Variants in TMEM132D observed in about 807,000 individuals in gnomAD.
TMEM132D encodes mature OL transmembrane protein.
In TMEM132D, 21 loss-of-function variants were observed where a neutral mutation model predicts 62.3. That is an observed-to-expected ratio of 0.34 (90% CI 0.24 to 0.49). The LOEUF is 0.49. TMEM132D is among the 20% of genes least tolerant of loss of function. The probability of loss-of-function intolerance (pLI) is 0.99; values close to 1 mark genes in which losing one functional copy is unlikely to be tolerated. For missense variants in TMEM132D, 1,346 were observed against 1,402.8 expected, an observed-to-expected ratio of 0.96 and a Z score of 0.65; for synonymous variants, 621 against 575.6, an observed-to-expected ratio of 1.08 and a Z score of -1.13.
chr12:129,716,681 A>C (rs1868587144), intron 1 of TMEM132D, among the ~76,000 whole-genome samples: 1 of 152,168 alleles, frequency 6.6e-6, no homozygotes, highest in Non-Finnish European at 1.5e-5. Context: ...AGTCAGGAAA[A>C]TAAAACAAGA....
At position 129,218,865 on chromosome 12, in the gene TMEM132D, CA is replaced by C. The variant is rs369160962; in HGVS notation, c.1300-9203del. ...AGGCGTAAGCAGCAGGAGACAGTGA[CA>C]GGGGAAGCCAACACAATGGTGTGTT... On this transcript the variant is annotated intron_variant, in intron 4 of 8. Transcript: ENST00000422113. Among the ~76,000 whole-genome samples the C allele has an allele frequency of 7.9e-5, 12 of 152,216 alleles. No individual in the cohort carries two copies. In the East Asian group the frequency reaches 2.1e-3, roughly 27 times the overall value.
intron 2 of TMEM132D, among the ~76,000 whole-genome samples, chr12:129,571,855 G>GT (rs77615953): frequency 0.13 from 19,633 of 151,452 alleles, 1,722 homozygotes; most frequent in East Asian, 0.46. Flanking sequence ...ATAAGGAAAA[G>GT]TTTTTTTTTA....
intron 5 of TMEM132D, among the ~76,000 whole-genome samples, chr12:129,130,337 C>A (rs1294101327): frequency 5.7e-3 from 1 of 174 alleles, no homozygotes. Flanking sequence ...CTGAAGAGAC[C>A]CCCCCGCCCG....
At chr12:129,608,866 C>G (rs1227902671) in intron 2 of TMEM132D, among the ~76,000 whole-genome samples, 3 of 152,062 alleles carry the variant, frequency 2.0e-5, no homozygotes, top group Non-Finnish European at 1.5e-5. Context: ...TGGCCTTGTT[C>G]AAATACAGAT....
rs200697911 is a variant in TMEM132D at position 129,447,314 on chromosome 12, C to T, written c.1115+83745G>A. On this transcript the variant is annotated intron_variant, in intron 3 of 8. Transcript: ENST00000422113. ...CTGACACTATTATGCAAACGTAACC[C>T]TTTCATTCAATTCACTTGCTTTCTT... Among the ~76,000 whole-genome samples, 8 of 152,296 alleles carry T rather than the reference C, an allele frequency of 5.3e-5. No homozygotes were observed. In the East Asian group the frequency reaches 1.4e-3, roughly 26 times the overall value.
chr12:129,130,859 A>G (rs1876355208), intron 5 of TMEM132D, among the ~76,000 whole-genome samples: 1 of 152,220 alleles, frequency 6.6e-6, no homozygotes, highest in South Asian at 2.1e-4. Flanking sequence ...GACCAAAAAT[A>G]AGATTATGTA....
chr12:129,394,551 C>T (rs1406364298), intron 3 of TMEM132D, among the ~76,000 whole-genome samples: 1 of 152,168 alleles, frequency 6.6e-6, no homozygotes, highest in Non-Finnish European at 1.5e-5. Context: ...AAAGAACTCC[C>T]AAATATAGGC....
intron 2 of TMEM132D, among the ~76,000 whole-genome samples, chr12:129,664,867 A>G (rs76054401): frequency 6.6e-6 from 1 of 152,316 alleles, no homozygotes; most frequent in East Asian, 1.9e-4. Context: ...CAATGACAGC[A>G]ATGACAACTA....
rs796145548 is a variant in TMEM132D, at chr12:129,185,773, G to GTCTGTCTGTCTATCTA, written c.1443+23746_1443+23747insTAGATAGACAGACAGA. Among the ~76,000 whole-genome samples the GTCTGTCTGTCTATCTA allele has an allele frequency of 1.3e-3, 179 of 136,016 alleles. 2 individuals are homozygous for GTCTGTCTGTCTATCTA. Among genetic ancestry groups the GTCTGTCTGTCTATCTA allele is most frequent in the South Asian group, 0.01 (42 of 4,138 alleles). 89.2% of individuals were successfully genotyped at this position (136,016 alleles called of 152,430 possible). ...TCTTTTATCCATCATCTGTCTGTCT[G>GTCTGTCTGTCTATCTA]TCTATCTATCTATCTATCTATCTAT... On this transcript the variant is annotated intron_variant, in intron 5 of 8. Transcript: ENST00000422113.
rs371059619 is a variant in TMEM132D at position 129,209,567 on chromosome 12, G to T, written c.1396C>A (p.Leu466Met). 3 of 1,614,074 alleles carry T rather than the reference G, an allele frequency of 1.9e-6. No homozygotes were observed. In the African/African-American group the frequency reaches 4.0e-5, roughly 22 times the overall value. Residue 466 changes from leucine to methionine, a missense_variant, in exon 5 of 9, where the codon CTG (leucine) becomes ATG (methionine). Physicochemically the swap from Leu to Met is conservative, Grantham distance 15 (BLOSUM62 2). Coordinates refer to ENST00000422113, the MANE Select transcript of TMEM132D (RefSeq NM_133448.3). ...GATCTACACTCCACAGACTCCAGCAGCTCTGTCACTGTGCCGTCGTCCTCC... is the reference window on the plus strand; with the variant it reads ...GATCTACACTCCACAGACTCCAGCATCTCTGTCACTGTGCCGTCGTCCTCC... ...SVEDDGTVTE[L>M]LESVECRSSD...
chr12:129,762,003 G>T (rs537331997), intron 1 of TMEM132D, among the ~76,000 whole-genome samples: 1 of 152,252 alleles, frequency 6.6e-6, no homozygotes, highest in Non-Finnish European at 1.5e-5. Context: ...AATCAGCACT[G>T]CAATTTTTCT....
chr12:129,359,443 C>A (rs879764911), intron 3 of TMEM132D, among the ~76,000 whole-genome samples: 2 of 152,118 alleles, frequency 1.3e-5, no homozygotes, highest in East Asian at 1.9e-4. Context: ...TCACATTGAG[C>A]GTTGTGTCTT....
rs1190631898 is a variant in TMEM132D at position 129,699,992 on chromosome 12, G to A, written c.786C>T (p.Pro262=). ...TGHSDIDESG[P]PLQRIGSIFL... The stretch of plus-strand genomic sequence containing the variant: ...AGATGCTCCCGATCCTCTGCAAGGG[G>A]GGCCCGGACTCATCGATGTCACTGT... The change falls in exon 2 of 9, where the codon CCC becomes CCT. Residue 262 remains proline, a synonymous_variant. Coordinates refer to ENST00000422113, the MANE Select transcript of TMEM132D (RefSeq NM_133448.3). 4 of 1,614,072 alleles carry A rather than the reference G, an allele frequency of 2.5e-6. No individual in the cohort carries two copies. Among genetic ancestry groups the A allele is most frequent in the Non-Finnish European group, 3.4e-6 (4 of 1,180,040 alleles).
chr12:129,639,153 C>T (rs1036510418), intron 2 of TMEM132D, among the ~76,000 whole-genome samples: 14 of 152,002 alleles, frequency 9.2e-5, no homozygotes, highest in Admixed American at 2.6e-4. Flanking sequence ...GAGGCTGAGG[C>T]GGGCGGATCA....
intron 4 of TMEM132D, among the ~76,000 whole-genome samples, chr12:129,264,313 T>C (rs956257598): frequency 2.6e-5 from 4 of 152,102 alleles, no homozygotes; most frequent in Non-Finnish European, 5.9e-5. Context: ...TGCTTGAGCC[T>C]GGGAGGTGGA....
chr12:129,481,835 C>G (rs1874438523), intron 3 of TMEM132D, among the ~76,000 whole-genome samples: 1 of 152,116 alleles, frequency 6.6e-6, no homozygotes. Flanking sequence ...ATCAGGCACC[C>G]CCTATTCACA....
intron 3 of TMEM132D, among the ~76,000 whole-genome samples, chr12:129,394,624 G>C (rs1396672428): frequency 1.8e-4 from 27 of 152,262 alleles, no homozygotes; most frequent in Non-Finnish European, 4.4e-5. Context: ...GCAGGGTCTA[G>C]CCGCGTAGAC....
At chr12:129,345,618 T>C (rs1869655620) in intron 3 of TMEM132D, among the ~76,000 whole-genome samples, 1 of 152,180 alleles carries the variant, frequency 6.6e-6, no homozygotes, top group Non-Finnish European at 1.5e-5. Context: ...GGATGAAATA[T>C]CATATGTTCA....
At chr12:129,799,613 T>A (rs1593166408) in intron 1 of TMEM132D, among the ~76,000 whole-genome samples, 2 of 152,004 alleles carry the variant, frequency 1.3e-5, no homozygotes, top group Non-Finnish European at 2.9e-5. Context: ...CTGCCCTGGG[T>A]CACCCAGTTG....
Sources: gnomAD v4.1 joint callset for allele counts (sites outside exome capture counted in the v4.1 genomes callset) on GRCh38, gnomAD v4.1.1 for gene constraint, MANE v1.5 for transcripts, NCBI Gene and HGNC (gene_info 2026-07-23, HGNC 2026-07-21) for gene names.